Variants in PTPRT observed in about 807,000 individuals in gnomAD.
PTPRT encodes protein tyrosine phosphatase receptor type T.
In PTPRT, 56 loss-of-function variants were observed where a neutral mutation model predicts 176.8. The ratio of observed to expected loss-of-function variants is 0.32; its 90% CI spans 0.26 to 0.40. The LOEUF is 0.40. PTPRT is among the 10% of genes least tolerant of loss of function. PTPRT has a pLI of 1.00. For missense variants in PTPRT, 1,540 were observed against 1,908.2 expected, an observed-to-expected ratio of 0.81 and a Z score of 3.60; for synonymous variants, 783 against 739.0, an observed-to-expected ratio of 1.06 and a Z score of -0.96.
At chr20:42,087,928 C>T (rs1441610328) in intron 27 of PTPRT, among the ~76,000 whole-genome samples, 1 of 147,854 alleles carries the variant, frequency 6.8e-6, no homozygotes, top group Non-Finnish European at 1.5e-5. Flanking sequence ...TATCTTGTTT[C>T]TTGTATCTTT....
At chr20:42,582,855 T>C (rs573453721) in intron 7 of PTPRT, among the ~76,000 whole-genome samples, 1 of 152,274 alleles carries the variant, frequency 6.6e-6, no homozygotes, top group Admixed American at 6.5e-5. Flanking sequence ...CCCAAATTAA[T>C]CCCCAAATGG....
At chr20:42,394,932 A>C (rs1158539411) in intron 9 of PTPRT, among the ~76,000 whole-genome samples, 1 of 152,184 alleles carries the variant, frequency 6.6e-6, no homozygotes, top group East Asian at 1.9e-4. Flanking sequence ...AAATGTTCAA[A>C]ATGTTCTTGC....
intron 11 of PTPRT, among the ~76,000 whole-genome samples, chr20:42,350,404 A>T (rs115167242): frequency 0.02 from 3,011 of 151,208 alleles, 115 homozygotes; most frequent in African/African-American, 0.07. Context: ...AATTTAAAAA[A>T]TTTTTTTCTT....
chr20:42,664,266 T>A (rs905321542), intron 7 of PTPRT, among the ~76,000 whole-genome samples: 4 of 152,244 alleles, frequency 2.6e-5, no homozygotes, highest in African/African-American at 7.2e-5. Flanking sequence ...TTTTTATGTG[T>A]AAAGATATTT....
chr20:42,821,375 A>C (rs2145656470), intron 2 of PTPRT, among the ~76,000 whole-genome samples: 1 of 152,344 alleles, frequency 6.6e-6, no homozygotes, highest in African/African-American at 2.4e-5. Context: ...TTCTTGTTAA[A>C]AACTCTCAAT....
chr20:42,688,316 T>C (rs2075734214), intron 6 of PTPRT: 1 of 152,302 alleles, frequency 6.6e-6, no homozygotes. Flanking sequence ...ACCTAGGCCA[T>C]GCCCCTTACA....
intron 22 of PTPRT, among the ~76,000 whole-genome samples, chr20:42,113,006 G>A (rs796420620): frequency 5.3e-5 from 8 of 152,128 alleles, no homozygotes; most frequent in African/African-American, 1.4e-4. Flanking sequence ...CTCTCTCCCC[G>A]ATGCGTCTGT....
intron 13 of PTPRT, among the ~76,000 whole-genome samples, chr20:42,256,096 G>T (rs773094609): frequency 2.0e-5 from 3 of 152,272 alleles, no homozygotes; most frequent in Middle Eastern, 3.4e-3. Flanking sequence ...GTACTTCTAC[G>T]TCAGGGAAGG....
chr20:42,269,184 T>C (rs555507170), intron 13 of PTPRT, among the ~76,000 whole-genome samples: 2 of 152,362 alleles, frequency 1.3e-5, no homozygotes, highest in South Asian at 4.1e-4. Context: ...CTGAGAACAC[T>C]CTGCAATGAA....
chr20:42,171,545 G>A (rs764827658), intron 16 of PTPRT, among the ~76,000 whole-genome samples: 6 of 152,050 alleles, frequency 3.9e-5, no homozygotes, highest in Non-Finnish European at 5.9e-5. Flanking sequence ...CTTAATTGAA[G>A]AACACAATTT....
chr20:42,059,276 A>G, the PTPRT span, among the ~76,000 whole-genome samples: 1 of 152,096 alleles, frequency 6.6e-6, no homozygotes, highest in Non-Finnish European at 1.5e-5. Context: ...GGATGAAATA[A>G]CATAAAGGGA....
intron 6 of PTPRT, among the ~76,000 whole-genome samples, chr20:42,730,734 T>C (rs2076448167): frequency 6.6e-6 from 1 of 152,198 alleles, no homozygotes; most frequent in Non-Finnish European, 1.5e-5. Context: ...CAAGATCATG[T>C]TTGCTTTCTT....
chr20:42,049,997 A>G, the PTPRT span, among the ~76,000 whole-genome samples: 1 of 152,224 alleles, frequency 6.6e-6, no homozygotes, highest in Non-Finnish European at 1.5e-5. Context: ...GGCTCTGAGC[A>G]TACCATCAGC....
intron 7 of PTPRT, among the ~76,000 whole-genome samples, chr20:42,654,795 A>G (rs2075095197): frequency 6.6e-6 from 1 of 152,228 alleles, no homozygotes; most frequent in Admixed American, 6.5e-5. Flanking sequence ...GCTGGTAAGT[A>G]GTGAGATGAG....
chr20:42,827,850 T>G (rs208233), intron 2 of PTPRT, among the ~76,000 whole-genome samples: 14,659 of 152,236 alleles, frequency 0.096, 906 homozygotes, highest in Admixed American at 0.15. Flanking sequence ...GCCATTATTA[T>G]AAGTTTCCTG....
chr20:42,501,772 A>AC (rs886800771), intron 7 of PTPRT, among the ~76,000 whole-genome samples: 3 of 152,098 alleles, frequency 2.0e-5, no homozygotes, highest in Non-Finnish European at 4.4e-5. Context: ...ACCAATTTAT[A>AC]CCCCCACTTC....
chr20:42,209,526 C>G (rs962233996), intron 15 of PTPRT, among the ~76,000 whole-genome samples: 19 of 152,310 alleles, frequency 1.2e-4, no homozygotes, highest in African/African-American at 4.6e-4. Flanking sequence ...CACCTCTACG[C>G]AAATGAACTA....
At chr20:42,199,136 C>G in intron 16 of PTPRT, 104 bp downstream of exon 16, 1 of 1,387,206 alleles carries the variant, frequency 7.2e-7, no homozygotes, top group Non-Finnish European at 9.9e-7. Flanking sequence ...AGCATCCATA[C>G]CCTATGCCTG....
At chr20:43,031,884 G>GTT (rs1176948105) in intron 1 of PTPRT, among the ~76,000 whole-genome samples, 4 of 152,118 alleles carry the variant, frequency 2.6e-5, no homozygotes, top group African/African-American at 9.7e-5. Flanking sequence ...CTGCTCAGGG[G>GTT]TTTCTGCATT....
Sources: gnomAD v4.1 joint callset for allele counts (sites outside exome capture counted in the v4.1 genomes callset) on GRCh38, gnomAD v4.1.1 for gene constraint, MANE v1.5 for transcripts, NCBI Gene and HGNC (gene_info 2026-07-23, HGNC 2026-07-21) for gene names.